The following RGS8 variants were observed in gnomAD, a reference collection of about 807,000 sequenced individuals.
RGS8 encodes the protein regulator of G protein signaling 8.
RGS8 carries 8 observed loss-of-function variants against 21.7 expected under a neutral mutation model. The ratio of observed to expected loss-of-function variants is 0.37; its 90% confidence interval spans 0.22 to 0.66. The LOEUF (loss-of-function observed/expected upper bound fraction) is 0.66, where lower values mean the gene tolerates loss of function less well. RGS8 is among the 30% of genes least tolerant of loss of function. The pLI is 0.59. For missense variants in RGS8, 157 were observed against 217.9 expected (o/e 0.72, Z 1.76); for synonymous variants, 80 against 83.6 (o/e 0.96, Z 0.24).
At chr1:182,697,082 A>G in the RGS8 span, among the ~76,000 whole-genome samples, 1 of 152,198 alleles carries the variant, frequency 6.6e-6, no homozygotes, top group African/African-American at 2.4e-5. Context: ...ATCTACTGCA[A>G]CCTCACTCTG....
At chr1:182,700,232 A>G in the RGS8 span, among the ~76,000 whole-genome samples, 2 of 151,956 alleles carry the variant, frequency 1.3e-5, no homozygotes, top group Non-Finnish European at 2.9e-5. Context: ...TTTCAAAGCT[A>G]CTCTCAAAGG....
chr1:182,654,949 A>G (rs78311398), intron 5 of RGS8, among the ~76,000 whole-genome samples: 1 of 152,256 alleles, frequency 6.6e-6, no homozygotes, highest in South Asian at 2.1e-4. Context: ...AAAAAAAAAA[A>G]GTTGAAGCCA....
chr1:182,718,780 G>A, the RGS8 span, among the ~76,000 whole-genome samples: 192 of 152,190 alleles, frequency 1.3e-3, 8 homozygotes, highest in East Asian at 0.03. Context: ...GTGATATGGC[G>A]TGCTTTACCA....
chr1:182,719,549 GC>G, the RGS8 span, among the ~76,000 whole-genome samples: 1 of 148,328 alleles, frequency 6.7e-6, no homozygotes, highest in African/African-American at 2.5e-5. Context: ...TCCCACCTCA[GC>G]CTCCTGAGTA....
intron 2 of RGS8, 35 bp from the exon 4 acceptor site, chr1:182,669,787 C>A: frequency 1.3e-6 from 2 of 1,524,924 alleles, no homozygotes; most frequent in Non-Finnish European, 1.8e-6. Context: ...GAGGGGCCAC[C>A]CTCTCTCATC....
At chr1:182,737,468 G>A in the RGS8 span, among the ~76,000 whole-genome samples, 1 of 151,976 alleles carries the variant, frequency 6.6e-6, no homozygotes, top group Non-Finnish European at 1.5e-5. Context: ...TGAATCATGG[G>A]GGCAGGTTTT....
intron 2 of RGS8, 54 bp downstream of exon 3, chr1:182,671,603 T>A: frequency 6.8e-7 from 1 of 1,475,256 alleles, no homozygotes; most frequent in East Asian, 2.3e-5. Context: ...GATAATGCAA[T>A]CGGTGCACAC....
chr1:182,746,037 C>T, the RGS8 span, among the ~76,000 whole-genome samples: 4 of 152,188 alleles, frequency 2.6e-5, no homozygotes, highest in African/African-American at 9.6e-5. Flanking sequence ...GAAGAGGATA[C>T]CTGTTTATTC....
the RGS8 span, among the ~76,000 whole-genome samples, chr1:182,701,000 T>A: frequency 3.9e-5 from 6 of 152,270 alleles, no homozygotes; most frequent in Non-Finnish European, 8.8e-5. Context: ...TATGAATCAT[T>A]GTAACAAATT....
At chr1:182,740,548 GTTTTTTTTTTTT>G in the RGS8 span, among the ~76,000 whole-genome samples, 5 of 75,978 alleles carry the variant, frequency 6.6e-5, no homozygotes, top group Non-Finnish European at 1.5e-4. Context: ...TTGTTTGTTT[GTTTTTTTTTTTT>G]TTTTTTTTTT....
chr1:182,681,888 T>A (rs529242582), intron 1 of RGS8, among the ~76,000 whole-genome samples: 54 of 152,334 alleles, frequency 3.5e-4, no homozygotes, highest in Non-Finnish European at 6.9e-4. Context: ...TAGAACCTTT[T>A]ACTGCTGAAT....
chr1:182,705,907 A>G, the RGS8 span, among the ~76,000 whole-genome samples: 4 of 152,198 alleles, frequency 2.6e-5, no homozygotes, highest in African/African-American at 4.8e-5. Flanking sequence ...CATTGGAGCA[A>G]CAGGCCCTCT....
downstream of RGS8, chr1:182,644,840 A>C (rs1250290212): frequency 1.3e-5 from 2 of 152,144 alleles, no homozygotes; most frequent in African/African-American, 4.8e-5. Context: ...GGTTGGGAGG[A>C]TACTACCTGA....
chr1:182,719,724 C>T, the RGS8 span, among the ~76,000 whole-genome samples: 1 of 151,072 alleles, frequency 6.6e-6, no homozygotes, highest in African/African-American at 2.4e-5. Flanking sequence ...CCACCACACC[C>T]GACTATTTTT....
chr1:182,751,471 C>A, the RGS8 span, among the ~76,000 whole-genome samples: 1 of 152,234 alleles, frequency 6.6e-6, no homozygotes, highest in Non-Finnish European at 1.5e-5. Flanking sequence ...TGCCTACGTA[C>A]AAATCAGATG....
chr1:182,740,145 G>C, the RGS8 span, among the ~76,000 whole-genome samples: 1 of 152,142 alleles, frequency 6.6e-6, no homozygotes, highest in Non-Finnish European at 1.5e-5. Flanking sequence ...GTTTCCATCT[G>C]TGCACATGTT....
At chr1:182,692,323 C>A in the RGS8 span, among the ~76,000 whole-genome samples, 1 of 151,946 alleles carries the variant, frequency 6.6e-6, no homozygotes, top group Non-Finnish European at 1.5e-5. Flanking sequence ...TTTCTATACA[C>A]CAATAATGTC....
upstream of RGS8, among the ~76,000 whole-genome samples, chr1:182,675,754 C>T (rs187098712): frequency 1.9e-4 from 29 of 152,248 alleles, no homozygotes; most frequent in Admixed American, 1.1e-3. Context: ...GAAGGAACCC[C>T]CTCCATCCCA....
intron 4 of RGS8, 139 bp from the exon 6 acceptor site, chr1:182,666,172 T>G (rs908223653): frequency 2.3e-5 from 14 of 597,654 alleles, no homozygotes; most frequent in Non-Finnish European, 3.9e-5. Flanking sequence ...TATACCTGGA[T>G]TCCTGCAATT....
Sources: allele counts gnomAD v4.1 joint callset (sites outside exome capture counted in the v4.1 genomes callset), GRCh38; gene constraint gnomAD v4.1.1; transcripts MANE v1.5; gene names NCBI Gene and HGNC (gene_info 2026-07-23, HGNC 2026-07-21).